KDSR: variants seen among roughly 807,000 people sequenced by gnomAD.
KDSR encodes 3-dehydrosphinganine reductase.
In KDSR, 23 loss-of-function variants were observed where a neutral mutation model predicts 41.3. The ratio of observed to expected loss-of-function variants is 0.56; its 90% CI spans 0.40 to 0.79. The LOEUF is 0.79. Among genes scored for constraint, KDSR ranks in the 30% least tolerant of loss-of-function variants. KDSR has a pLI of 0.00. For missense variants in KDSR, 351 were observed against 416.8 expected (o/e 0.84, Z 1.37); for synonymous variants, 138 against 151.7 (o/e 0.91, Z 0.66).
chr18:63,335,036 G>A (rs1050316830), intron 9 of KDSR, among the ~76,000 whole-genome samples: 10 of 152,280 alleles, frequency 6.6e-5, no homozygotes, highest in Non-Finnish European at 1.2e-4. Context: ...TGCAAGGCCC[G>A]GCACTGAAGA....
intron 3 of KDSR, chr18:63,359,514 TTC>T (rs1272164782): frequency 1.2e-5 from 5 of 410,486 alleles, no homozygotes; most frequent in Non-Finnish European, 2.2e-5. Flanking sequence ...CAGTAAAACA[TTC>T]TGTTATTTGA....
chr18:63,353,719 G>C (rs1257756517), intron 5 of KDSR, among the ~76,000 whole-genome samples: 2 of 152,212 alleles, frequency 1.3e-5, no homozygotes, highest in Admixed American at 1.3e-4. Flanking sequence ...CTAAGAGAAA[G>C]AGGTCAGACA....
At chr18:63,342,680 A>C (rs2551409) in intron 7 of KDSR, among the ~76,000 whole-genome samples, 27,414 of 151,846 alleles carry the variant, frequency 0.18, 2,673 homozygotes, top group Middle Eastern at 0.21. Flanking sequence ...TACACAGGGA[A>C]TGGGGAACAG....
At chr18:63,360,753 G>A (rs1265278506) in intron 2 of KDSR, among the ~76,000 whole-genome samples, 2 of 150,438 alleles carry the variant, frequency 1.3e-5, no homozygotes, top group South Asian at 2.1e-4. Flanking sequence ...GCATGGTGGC[G>A]AGCACCTGTG....
Position 63,367,042 on chromosome 18 carries a change from T to C in KDSR, c.77A>G (p.Lys26Arg). 2 of 1,323,680 alleles carry C rather than the reference T, an allele frequency of 1.5e-6. No individual in the cohort carries two copies. The highest frequency in any genetic ancestry group is 1.9e-6 in the Non-Finnish European group (2 of 1,029,088). 82.0% of individuals were successfully genotyped at this position (1,323,680 alleles called of 1,614,324 possible). ...LYMVSPLISP[K>R]PLALPGAHVV... ...ATGCGCCCCGGGCAGGGCGAGGGGC[T>C]TGGGGCTGATGAGCGGAGACACCAT... The change falls in exon 1 of 10, where the codon AAG (lysine) becomes AGG (arginine). Residue 26 changes from lysine to arginine, a missense_variant. By Grantham distance (26) the Lys-to-Arg change is conservative. Transcript: ENST00000645214.
Position 63,350,953 on chromosome 18 carries a change from C to G in KDSR, c.544G>C (p.Gly182Arg). 1 of 1,614,132 alleles carries G rather than the reference C, an allele frequency of 6.2e-7. No individual in the cohort carries two copies. The change falls in exon 6 of 10, where the codon GGT becomes CGT. Residue 182 changes from glycine to arginine, a missense_variant. By Grantham distance (125) the Gly-to-Arg change is moderately radical. Coordinates refer to ENST00000645214, the MANE Select transcript of KDSR (RefSeq NM_002035.4). Reference sequence around the variant, plus strand: ...TTGGATGCAGAGTAGGCTGTGAAACCGAATAATCCCAACTGTCCTGCCTGG... The same window carrying G: ...TTGGATGCAGAGTAGGCTGTGAAACGGAATAATCCCAACTGTCCTGCCTGG... ...SSQAGQLGLF[G>R]FTAYSASKFA...
At chr18:63,360,700 T>C (rs1037779142) in intron 2 of KDSR, among the ~76,000 whole-genome samples, 5 of 151,192 alleles carry the variant, frequency 3.3e-5, no homozygotes, top group Non-Finnish European at 7.4e-5. Context: ...CTGGGCAACA[T>C]GGTGAAGCCC....
intron 6 of KDSR, among the ~76,000 whole-genome samples, chr18:63,348,680 G>T (rs1480944337): frequency 6.6e-6 from 1 of 152,150 alleles, no homozygotes; most frequent in African/African-American, 2.4e-5. Context: ...GGGGGGCTCT[G>T]TCTGTACCAG....
At chr18:63,337,112 G>GTCT (rs1914191219) in intron 8 of KDSR, among the ~76,000 whole-genome samples, 1 of 18,136 alleles carries the variant, frequency 5.5e-5, no homozygotes, top group African/African-American at 1.4e-4. Flanking sequence ...ATATATATGT[G>GTCT]AATATATATA....
At chr18:63,357,644 G>T (rs544377312) in intron 3 of KDSR, among the ~76,000 whole-genome samples, 2 of 142,326 alleles carry the variant, frequency 1.4e-5, no homozygotes, top group African/African-American at 5.3e-5. Context: ...GGAGTACAGC[G>T]GTGCAATCTC....
intron 9 of KDSR, among the ~76,000 whole-genome samples, chr18:63,334,147 G>A (rs1914090621): frequency 6.6e-6 from 1 of 152,162 alleles, no homozygotes; most frequent in South Asian, 2.1e-4. Flanking sequence ...TAAGAGAATG[G>A]CAAAGACAGT....
At chr18:63,333,925 G>A (rs555551522) in intron 9 of KDSR, among the ~76,000 whole-genome samples, 22 of 152,314 alleles carry the variant, frequency 1.4e-4, no homozygotes, top group African/African-American at 5.3e-4. Flanking sequence ...CTGACGTGAG[G>A]GACAGAAGCA....
chr18:63,362,723 T>C, intron 2 of KDSR, 56 bp downstream of exon 2: 1 of 1,205,444 alleles, frequency 8.3e-7, no homozygotes. Flanking sequence ...CACAGCCTCT[T>C]TGACTAATTT....
chr18:63,361,017 A>AATATATATATATAAAATATATATAT lies in KDSR; in HGVS notation c.199-1226_199-1225insATATATATATTTTATATATATATAT, dbSNP rs1914955461. Among the ~76,000 whole-genome samples, 4 of 106,858 alleles carry AATATATATATATAAAATATATATAT rather than the reference A, an allele frequency of 3.7e-5. No individual in the cohort carries two copies. In the South Asian group the frequency reaches 8.7e-4, roughly 23 times the overall value. 70.1% of individuals were successfully genotyped at this position (106,858 alleles called of 152,430 possible). A position where few individuals can be genotyped will look rare whatever the true frequency, so the allele number is the denominator to read the frequency against. On this transcript the variant is annotated intron_variant, in intron 2 of 9. Transcript: ENST00000645214. ...TAAAAAAAAAATATATATATATATA[A>AATATATATATATAAAATATATATAT]AATATATAATATATATAATAAAAAT...
At chr18:63,340,852 T>A (rs920412696) in intron 7 of KDSR, among the ~76,000 whole-genome samples, 3 of 152,190 alleles carry the variant, frequency 2.0e-5, no homozygotes, top group African/African-American at 7.2e-5. Flanking sequence ...AACAGAAAAA[T>A]TAAGCAAAAG....
chr18:63,338,845 C>T lies in KDSR; in HGVS notation c.732G>A (p.Val244=), dbSNP rs202246038. 1.2e-5 allele frequency: 19 copies of T among 1,609,840 alleles called. No homozygotes were observed. In the East Asian group the frequency reaches 3.8e-4, roughly 32 times the overall value. Residue 244 remains valine (V), a synonymous_variant, in exon 8 of 10, where the codon GTG becomes GTA. Coordinates refer to ENST00000645214, the MANE Select transcript of KDSR (RefSeq NM_002035.4). ...GTTTGGCCACCTGTTCTGGTTTGCA[C>T]ACAGATGTGGTCTCTGAAATAAGTC... ...ETRLISETTS[V]CKPEQVAKQI...
At position 63,331,282 on chromosome 18, in the gene KDSR, GAGAC is replaced by G. The variant is rs1428048125; in HGVS notation, c.*496_*499del. 4.4e-4 allele frequency: 16 copies of G among 36,754 alleles called. No individual in the cohort carries two copies. Among genetic ancestry groups the G allele is most frequent in the African/African-American group, 9.5e-4 (9 of 9,458 alleles). The allele number at this position is 36,754 out of a possible 1,614,324, so 2.3% of individuals were successfully genotyped here. A position where few individuals can be genotyped will look rare whatever the true frequency, so the allele number is the denominator to read the frequency against. On this transcript the variant is annotated 3_prime_UTR_variant, in exon 10 of 10. Coordinates refer to ENST00000645214, the MANE Select transcript of KDSR (RefSeq NM_002035.4). ...AAAGAAAGAAAGAGAGAGAGAGAGA[GAGAC>G]AGAGAGACAGAGAGACAGAGAGACA...
At chr18:63,362,241 C>T (rs1915010292) in intron 2 of KDSR, among the ~76,000 whole-genome samples, 1 of 152,216 alleles carries the variant, frequency 6.6e-6, no homozygotes, top group African/African-American at 2.4e-5. Context: ...CAAAAACAAA[C>T]CCTGACAAAA....
intron 7 of KDSR, among the ~76,000 whole-genome samples, chr18:63,342,025 C>T (rs967798219): frequency 2.0e-5 from 3 of 151,712 alleles, no homozygotes; most frequent in Non-Finnish European, 4.4e-5. Flanking sequence ...AAAAATCAGC[C>T]GGGCTTGGTG....
Sources: gnomAD v4.1 joint callset for allele counts (sites outside exome capture counted in the v4.1 genomes callset) on GRCh38, gnomAD v4.1.1 for gene constraint, MANE v1.5 for transcripts, NCBI Gene and HGNC (gene_info 2026-07-23, HGNC 2026-07-21) for gene names.